Variants in RBPJ observed in about 807,000 individuals in gnomAD.
RBPJ encodes the protein recombining binding protein suppressor of hairless.
A neutral mutation model predicts 67.8 loss-of-function variants in RBPJ; 9 were observed. The ratio of observed to expected loss-of-function variants is 0.13; its 90% CI spans 0.08 to 0.23. The LOEUF (loss-of-function observed/expected upper bound fraction) is 0.23, where lower values mean the gene tolerates loss of function less well. Ranked by LOEUF, RBPJ falls within the 10% of genes least tolerant of loss-of-function variation. RBPJ has a pLI of 1.00. For missense variants in RBPJ, 305 were observed against 595.6 expected, an observed-to-expected ratio of 0.51 and a Z score of 5.08; for synonymous variants, 198 against 203.3, an observed-to-expected ratio of 0.97 and a Z score of 0.22.
chr4:26,263,557 A>G (rs1720611766), intron 1 of RBPJ, among the ~76,000 whole-genome samples: 1 of 152,156 alleles, frequency 6.6e-6, no homozygotes, highest in Admixed American at 6.6e-5. Flanking sequence ...AAGCTCTATG[A>G]GGACATGTGC....
At chr4:26,113,420 TG>T in the RBPJ span, 1 of 547,490 alleles carries the variant, frequency 1.8e-6, no homozygotes. Context: ...ATGTACTGAA[TG>T]GGGAAAAGCC....
At chr4:26,201,316 A>G (rs777501870) in intron 1 of RBPJ, among the ~76,000 whole-genome samples, 2 of 152,182 alleles carry the variant, frequency 1.3e-5, no homozygotes, top group South Asian at 4.1e-4. Context: ...AGGATGGTGT[A>G]ACTTTTACTT....
At chr4:26,392,968 C>G (rs1392168213) in intron 2 of RBPJ, among the ~76,000 whole-genome samples, 1 of 152,116 alleles carries the variant, frequency 6.6e-6, no homozygotes, top group African/African-American at 2.4e-5. Context: ...GAGTCTTGCT[C>G]TGTCACCCAG....
chr4:26,284,935 C>A lies in RBPJ; in HGVS notation c.-166-77511C>A, dbSNP rs530427888. The stretch of plus-strand genomic sequence containing the variant: ...GCAGTGGCACAATCTCAGCTCACTG[C>A]AACCTCCACCTCCCGGGTTCAAGTG... On this transcript the variant is annotated intron_variant, in intron 1 of 4. Coordinates refer to the RBPJ transcript ENST00000512351. Among the ~76,000 whole-genome samples the A allele has an allele frequency of 7.2e-4, 109 of 152,178 alleles. 1 individual carries two copies. The highest frequency in any genetic ancestry group is 2.6e-3 in the African/African-American group (108 of 41,532).
intron 1 of RBPJ, among the ~76,000 whole-genome samples, chr4:26,327,692 T>G (rs1458422146): frequency 6.6e-6 from 1 of 151,966 alleles, no homozygotes; most frequent in East Asian, 1.9e-4. Context: ...AAAAAATATT[T>G]AATGTTGGGC....
At chr4:26,310,712 C>CA (rs1722398676) in intron 1 of RBPJ, among the ~76,000 whole-genome samples, 2 of 147,552 alleles carry the variant, frequency 1.4e-5, no homozygotes, top group South Asian at 4.2e-4. Flanking sequence ...CTCTGTCACC[C>CA]AGGCTGGAGC....
At chr4:26,260,937 A>C (rs1720509456) in intron 1 of RBPJ, among the ~76,000 whole-genome samples, 1 of 152,174 alleles carries the variant, frequency 6.6e-6, no homozygotes, top group African/African-American at 2.4e-5. Context: ...TTAAGAAACC[A>C]TAAGTTTTTA....
intron 1 of RBPJ, among the ~76,000 whole-genome samples, chr4:26,303,188 A>G (rs953038895): frequency 9.6e-5 from 14 of 145,484 alleles, no homozygotes; most frequent in African/African-American, 3.5e-4. Context: ...CAAAAAATAA[A>G]TAAATAAATA....
intron 2 of RBPJ, among the ~76,000 whole-genome samples, chr4:26,404,877 T>A (rs927942525): frequency 1.3e-5 from 2 of 152,204 alleles, no homozygotes; most frequent in Non-Finnish European, 2.9e-5. Context: ...TCTAAGAACT[T>A]TTCCCAGCAT....
chr4:26,161,722 T>C (rs1716083251), upstream of RBPJ, among the ~76,000 whole-genome samples: 1 of 152,172 alleles, frequency 6.6e-6, no homozygotes, highest in Non-Finnish European at 1.5e-5. Flanking sequence ...GGAGGAGGCC[T>C]GAAGCTGGGG....
intron 1 of RBPJ, among the ~76,000 whole-genome samples, chr4:26,229,782 A>G (rs2109202811): frequency 6.6e-6 from 1 of 152,344 alleles, no homozygotes; most frequent in South Asian, 2.1e-4. Flanking sequence ...CAACAAGATA[A>G]AATAGGATAA....
chr4:26,420,147 T>C (rs1349011220), intron 4 of RBPJ, among the ~76,000 whole-genome samples: 1 of 149,042 alleles, frequency 6.7e-6, no homozygotes, highest in Non-Finnish European at 1.5e-5. Context: ...CATAATTTCT[T>C]GAATTCTGAT....
chr4:26,424,621 C>A lies in RBPJ; in HGVS notation c.635-10C>A. The A allele has an allele frequency of 6.3e-7, 1 of 1,587,022 alleles. No individual in the cohort carries two copies. The highest frequency in any genetic ancestry group is 1.1e-5 in the South Asian group (1 of 88,342). On this transcript the variant is annotated splice_polypyrimidine_tract_variant and intron_variant, in intron 6 of 10. Coordinates refer to ENST00000355476, the MANE Select transcript of RBPJ (RefSeq NM_015874.6). The surrounding 1 kb of genome is among the most constrained non-coding windows in gnomAD (Gnocchi z 5.3). ...GATGACAATTTGATTTATTTTTCCACCTACTGCAGTGGATGATGATGAATC... is the reference window on the plus strand; with the variant it reads ...GATGACAATTTGATTTATTTTTCCAACTACTGCAGTGGATGATGATGAATC...
chr4:26,422,211 C>CT (rs34021965), intron 5 of RBPJ, among the ~76,000 whole-genome samples: 31 of 147,674 alleles, frequency 2.1e-4, no homozygotes, highest in Middle Eastern at 3.4e-3. Flanking sequence ...TGATTATCCC[C>CT]TTTTTTTTTT....
intron 1 of RBPJ, among the ~76,000 whole-genome samples, chr4:26,217,275 G>T (rs1718752727): frequency 6.6e-6 from 1 of 152,176 alleles, no homozygotes; most frequent in Admixed American, 6.5e-5. Flanking sequence ...AAGGCTGCAA[G>T]ATGATTTTTT....
chr4:26,370,940 C>A (rs1269241053), intron 1 of RBPJ, among the ~76,000 whole-genome samples: 1 of 151,788 alleles, frequency 6.6e-6, no homozygotes. Context: ...ATTAGCCGGG[C>A]GTGGTGGCGG....
At chr4:26,356,179 C>T (rs1321132099) in intron 1 of RBPJ, among the ~76,000 whole-genome samples, 1 of 152,160 alleles carries the variant, frequency 6.6e-6, no homozygotes, top group Non-Finnish European at 1.5e-5. Context: ...AAGAATGTGG[C>T]TATTTTCTCA....
At chr4:26,316,440 C>CATATACATTCATATATACATTCAT (rs1264449579), upstream of RBPJ, among the ~76,000 whole-genome samples, 2 of 132,276 alleles carry the variant, frequency 1.5e-5, no homozygotes, top group East Asian at 2.2e-4. Context: ...TATATACATT[C>CATATACATTCATATATACATTCAT]ATATACATTC....
intron 1 of RBPJ, among the ~76,000 whole-genome samples, chr4:26,289,227 T>C (rs1352747413): frequency 6.7e-6 from 1 of 148,782 alleles, no homozygotes; most frequent in Non-Finnish European, 1.5e-5. Context: ...TGAAACCCCA[T>C]CTCTACTAAA....
Sources: allele counts gnomAD v4.1 joint callset (sites outside exome capture counted in the v4.1 genomes callset), GRCh38; gene constraint gnomAD v4.1.1; non-coding constraint Gnocchi (gnomAD v3.1); transcripts MANE v1.5; gene names NCBI Gene and HGNC (gene_info 2026-07-23, HGNC 2026-07-21).